The following SLC8A1 variants were observed in gnomAD, a reference collection of about 807,000 sequenced individuals.
SLC8A1 encodes the protein sodium/calcium exchanger 1.
Under a neutral mutation model 68.3 loss-of-function variants are expected in SLC8A1, and 18 were observed. That is an observed-to-expected ratio of 0.26 (90% CI 0.18 to 0.39). SLC8A1 has a LOEUF of 0.39. SLC8A1 is among the 10% of genes least tolerant of loss of function. The pLI is 1.00. For synonymous variants in SLC8A1, 475 were observed against 415.5 expected, an observed-to-expected ratio of 1.14 and a Z score of -1.74; for missense variants, 985 against 1,156.7, an observed-to-expected ratio of 0.85 and a Z score of 2.15.
At chr2:40,379,017 G>A (rs1680852848) in intron 2 of SLC8A1, among the ~76,000 whole-genome samples, 1 of 152,124 alleles carries the variant, frequency 6.6e-6, no homozygotes, top group Non-Finnish European at 1.5e-5. Flanking sequence ...TTCACCCCAT[G>A]AGGGCAGGCT....
intron 1 of SLC8A1, among the ~76,000 whole-genome samples, chr2:40,457,497 A>C (rs1298332518): frequency 6.6e-6 from 1 of 152,192 alleles, no homozygotes; most frequent in Admixed American, 6.5e-5. Context: ...CTTGAAGATG[A>C]AACCTAAGGG....
chr2:40,460,541 T>A (rs1203653075), intron 1 of SLC8A1, among the ~76,000 whole-genome samples: 1 of 152,062 alleles, frequency 6.6e-6, no homozygotes, highest in African/African-American at 2.4e-5. Flanking sequence ...CCTCTAGGAA[T>A]TTAGACTTAT....
exon 8 of SLC8A1, chr2:40,108,909 T>C (rs1040105390): frequency 7.2e-5 from 11 of 152,136 alleles, no homozygotes; most frequent in African/African-American, 2.7e-4. Context: ...AATTAAAAAG[T>C]TGTGTAAATT....
chr2:40,197,690 T>G (rs2053319912), intron 2 of SLC8A1, among the ~76,000 whole-genome samples: 1 of 151,922 alleles, frequency 6.6e-6, no homozygotes. Flanking sequence ...GGAAACTGAC[T>G]GGTTATTCCA....
chr2:40,401,599 A>G (rs1448025454), intron 2 of SLC8A1, among the ~76,000 whole-genome samples: 1 of 149,706 alleles, frequency 6.7e-6, no homozygotes, highest in African/African-American at 2.4e-5. Flanking sequence ...AAGAAAGAAA[A>G]GAAAGCTTTG....
At chr2:40,181,551 GC>G (rs1301251867) in intron 2 of SLC8A1, among the ~76,000 whole-genome samples, 10 of 152,286 alleles carry the variant, frequency 6.6e-5, no homozygotes, top group Admixed American at 3.9e-4. Flanking sequence ...AATCAATAAT[GC>G]TCCTGACAGG....
intron 1 of SLC8A1, among the ~76,000 whole-genome samples, chr2:40,444,012 T>C (rs1249776895): frequency 6.6e-6 from 1 of 152,180 alleles, no homozygotes; most frequent in Non-Finnish European, 1.5e-5. Flanking sequence ...ATTTCCCTTA[T>C]AAAACTACTT....
At chr2:40,377,559 A>G (rs982361094) in intron 2 of SLC8A1, among the ~76,000 whole-genome samples, 1 of 151,754 alleles carries the variant, frequency 6.6e-6, no homozygotes, top group Admixed American at 6.6e-5. Context: ...ATGCCAACTC[A>G]CAGCCCTAGA....
At chr2:40,276,038 G>C (rs2066653336) in intron 2 of SLC8A1, among the ~76,000 whole-genome samples, 2 of 152,208 alleles carry the variant, frequency 1.3e-5, no homozygotes, top group African/African-American at 4.8e-5. Context: ...AAAGTGGTAT[G>C]CAGCTACTTG....
upstream of SLC8A1, among the ~76,000 whole-genome samples, chr2:40,456,738 G>A (rs145594669): frequency 3.9e-5 from 6 of 152,122 alleles, no homozygotes; most frequent in East Asian, 1.2e-3. Context: ...TATTATTACT[G>A]GTAAAGTTTC....
chr2:40,205,007 G>A (rs1296967740), intron 2 of SLC8A1, among the ~76,000 whole-genome samples: 1 of 151,904 alleles, frequency 6.6e-6, no homozygotes, highest in Non-Finnish European at 1.5e-5. Flanking sequence ...CAGGAGTACA[G>A]TGCTTCACTT....
chr2:40,345,197 C>T (rs552447859), intron 2 of SLC8A1, among the ~76,000 whole-genome samples: 1 of 152,238 alleles, frequency 6.6e-6, no homozygotes, highest in Non-Finnish European at 1.5e-5. Flanking sequence ...GACACTCCGT[C>T]TCCTGTGGCC....
intron 7 of SLC8A1, among the ~76,000 whole-genome samples, chr2:40,120,507 C>T (rs977649482): frequency 2.0e-5 from 3 of 152,146 alleles, no homozygotes; most frequent in Admixed American, 6.5e-5. Context: ...ATTAGAGTAT[C>T]TCTAAGACTC....
chr2:40,321,283 G>A lies in SLC8A1; in HGVS notation c.1808+107190C>T, dbSNP rs570112756. On this transcript the variant is annotated intron_variant, in intron 2 of 7. Transcript: ENST00000406785. ...ATGTAATTGTTTTTTCTGAAATCTC[G>A]GTGTATGGTTTGCACAAGTAAATTA... Among the ~76,000 whole-genome samples, 7 of 152,000 alleles carry A rather than the reference G, an allele frequency of 4.6e-5. No individual in the cohort carries two copies. The East Asian group carries it at 1.2e-3, about 25-fold the overall frequency.
At chr2:40,265,101 C>T (rs184934291) in intron 2 of SLC8A1, among the ~76,000 whole-genome samples, 32 of 152,256 alleles carry the variant, frequency 2.1e-4, no homozygotes, top group African/African-American at 7.2e-4. Flanking sequence ...CTTCACTGTG[C>T]CACAATGAAT....
rs181330748 is a variant in SLC8A1 at position 40,293,858 on chromosome 2, C to T, written c.1809-116003G>A. Among the ~76,000 whole-genome samples the T allele has an allele frequency of 2.6e-5, 4 of 152,192 alleles. No individual in the cohort carries two copies. In the East Asian group the frequency reaches 7.7e-4, roughly 29 times the overall value. On this transcript the variant is annotated intron_variant, in intron 2 of 7. Transcript: ENST00000406785. ...GTCATAAAAAACAAAAAAAATCAAA[C>T]TTGTAACATTACTGAGTCAGTCGTA...
chr2:40,256,217 C>T (rs866413146), intron 2 of SLC8A1, among the ~76,000 whole-genome samples: 2 of 152,138 alleles, frequency 1.3e-5, no homozygotes, highest in African/African-American at 4.8e-5. Context: ...AACCAAATGA[C>T]GTCAACACAC....
intron 2 of SLC8A1, among the ~76,000 whole-genome samples, chr2:40,226,326 T>C (rs1025769222): frequency 2.6e-5 from 4 of 152,172 alleles, no homozygotes; most frequent in Non-Finnish European, 4.4e-5. Flanking sequence ...TTTGGATGCA[T>C]TGCATGGCAT....
chr2:40,176,108 A>C, intron 3 of SLC8A1: 1 of 244,682 alleles, frequency 4.1e-6, no homozygotes, highest in Non-Finnish European at 8.4e-6. Flanking sequence ...TTATTTTAGT[A>C]AAAGCAACCT....
Sources: gnomAD v4.1 joint callset for allele counts (sites outside exome capture counted in the v4.1 genomes callset) on GRCh38, gnomAD v4.1.1 for gene constraint, MANE v1.5 for transcripts, NCBI Gene and HGNC (gene_info 2026-07-23, HGNC 2026-07-21) for gene names.